The following SAP130 variants were observed in gnomAD, a reference collection of about 807,000 sequenced individuals.
SAP130 encodes Sin3A associated protein 130.
A neutral mutation model predicts 103.2 loss-of-function variants in SAP130; 16 were observed. That is an observed-to-expected ratio of 0.16 (90% confidence interval 0.10 to 0.24). The LOEUF (loss-of-function observed/expected upper bound fraction) is 0.24, where lower values mean the gene tolerates loss of function less well. Among genes scored for constraint, SAP130 ranks in the 10% least tolerant of loss-of-function variants. The probability of loss-of-function intolerance (pLI) is 1.00; values close to 1 mark genes in which losing one functional copy is unlikely to be tolerated. For missense variants in SAP130, 990 were observed against 1,359.7 expected (o/e 0.73, Z 4.28); for synonymous variants, 477 against 497.0 (o/e 0.96, Z 0.53).
intron 16 of SAP130, among the ~76,000 whole-genome samples, chr2:127,954,444 TA>T (rs534742336): frequency 7.3e-4 from 105 of 142,896 alleles, no homozygotes; most frequent in Admixed American, 7.0e-4. Context: ...CATAAATTAT[TA>T]AAAAAAAAAA....
chr2:127,979,451 G>T (rs930383638), intron 14 of SAP130, among the ~76,000 whole-genome samples: 2 of 152,050 alleles, frequency 1.3e-5, no homozygotes, highest in Non-Finnish European at 2.9e-5. Context: ...GAGGGGGTAT[G>T]GCCCAGAAGA....
rs749411978 is a variant in SAP130, at chr2:127,955,002, G to A, written c.2406C>T (p.Ile802=). Residue 802 remains isoleucine, a synonymous_variant, in exon 16 of 21, where the codon ATC becomes ATT. Transcript: ENST00000643581. The surrounding 1 kb of genome is among the most constrained non-coding windows in gnomAD (Gnocchi z 4.9). ...CGGACTTACCAGAAACTGGCCTCATGATATCCATTGGTTCTACTTCTTCTT... is the reference window on the plus strand; with the variant it reads ...CGGACTTACCAGAAACTGGCCTCATAATATCCATTGGTTCTACTTCTTCTT... ...KVKEEVEPMD[I]MRPVSAVPPL... 2.5e-6 allele frequency: 4 copies of A among 1,609,958 alleles called. No individual in the cohort carries two copies. The Admixed American group carries it at 6.7e-5, about 27-fold the overall frequency.
At chr2:128,026,397 G>A (rs1685498965) in intron 1 of SAP130, 99 bp from the exon 2 acceptor site, 2 of 771,078 alleles carry the variant, frequency 2.6e-6, no homozygotes, top group South Asian at 1.8e-5. Context: ...TAGTCCCTTG[G>A]AAAAGCAAAT....
At chr2:128,026,058 T>G (rs961507404) in intron 2 of SAP130, 123 bp downstream of exon 2, 1 of 708,466 alleles carries the variant, frequency 1.4e-6, no homozygotes, top group African/African-American at 1.8e-5. Flanking sequence ...TAATATACCC[T>G]TTCTTCAAAT....
At chr2:128,010,437 T>C (rs755807430) in intron 6 of SAP130, 44 bp from the exon 7 acceptor site, 7 of 1,576,670 alleles carry the variant, frequency 4.4e-6, no homozygotes, top group East Asian at 2.3e-5. Context: ...AAAAATAAAA[T>C]AGAGGAAGTC....
intron 7 of SAP130, among the ~76,000 whole-genome samples, chr2:128,009,645 G>A (rs866224943): frequency 2.6e-5 from 4 of 152,006 alleles, no homozygotes; most frequent in Non-Finnish European, 4.4e-5. Context: ...TCATTGCATC[G>A]GTCTGCTAAA....
intron 15 of SAP130, among the ~76,000 whole-genome samples, chr2:127,974,964 A>G (rs1559058020): frequency 6.6e-6 from 1 of 152,234 alleles, no homozygotes; most frequent in African/African-American, 2.4e-5. Flanking sequence ...GGTATGCAGT[A>G]GGCCATCCCA....
At chr2:127,944,341 T>C (rs1559024646) in intron 19 of SAP130, among the ~76,000 whole-genome samples, 1 of 152,044 alleles carries the variant, frequency 6.6e-6, no homozygotes, top group Non-Finnish European at 1.5e-5. Context: ...TGGCCCCTTA[T>C]GTTCTATTAA....
chr2:127,942,373 G>T lies in SAP130; in HGVS notation c.3015+51C>A. The T allele has an allele frequency of 7.3e-7, 1 of 1,363,424 alleles. No homozygotes were observed. The highest frequency in any genetic ancestry group is 1.0e-6 in the Non-Finnish European group (1 of 952,862). The allele number at this position is 1,363,424 out of a possible 1,614,324, so 84.5% of individuals were successfully genotyped here. On this transcript the variant is annotated intron_variant, in intron 20 of 20. Transcript: ENST00000643581. This position sits in a 1 kb window ranked among gnomAD's most constrained non-coding sequence, Gnocchi z 4.8. ...GAAACGGGAGAAGTAGGGCTTTACA[G>T]AAAGCAACTTCATAAAGTAGATGAT...
intron 7 of SAP130, 44 bp downstream of exon 7, chr2:128,010,225 G>C (rs1684287468): frequency 6.4e-7 from 1 of 1,574,642 alleles, no homozygotes; most frequent in Non-Finnish European, 8.6e-7. Flanking sequence ...GAGTGAAGGA[G>C]GAGGATGGCA....
chr2:127,947,767 T>TGTGTGA (rs1679201768), intron 18 of SAP130, among the ~76,000 whole-genome samples: 1 of 147,142 alleles, frequency 6.8e-6, no homozygotes, highest in African/African-American at 2.7e-5. Context: ...TGTGTGTCTG[T>TGTGTGA]GTGTGTGTGT....
chr2:128,017,457 A>G (rs1337089731), intron 3 of SAP130, among the ~76,000 whole-genome samples: 1 of 152,228 alleles, frequency 6.6e-6, no homozygotes, highest in East Asian at 1.9e-4. Flanking sequence ...TCAGTATCAA[A>G]ATGGATAACA....
chr2:127,954,220 TA>T (rs777806434), intron 16 of SAP130, among the ~76,000 whole-genome samples: 28 of 152,096 alleles, frequency 1.8e-4, no homozygotes, highest in Non-Finnish European at 3.1e-4. Flanking sequence ...AACAGATGAA[TA>T]AATAAACAGT....
rs1682453352 is a variant in SAP130 at position 127,987,030 on chromosome 2, TAA to T, written c.1781-70_1781-69del. 7 of 1,402,394 alleles carry T rather than the reference TAA, an allele frequency of 5.0e-6. 1 individual carries two copies. In the South Asian group the frequency reaches 8.8e-5, roughly 18 times the overall value. The allele number at this position is 1,402,394 out of a possible 1,614,324, so 86.9% of individuals were successfully genotyped here. ...AACAAAATGCCATAGAAGACATAAA[TAA>T]AAATGATGAGACCACTAGAATTAGG... On this transcript the variant is annotated intron_variant, in intron 13 of 20. Transcript: ENST00000643581.
In SAP130 at chr2:127,950,369, A is replaced by G; in HGVS notation, c.2462T>C (p.Leu821Pro). 6.2e-7 allele frequency: 1 copy of G among 1,614,218 alleles called. No individual in the cohort carries two copies. The highest frequency in any genetic ancestry group is 1.1e-5 in the South Asian group (1 of 91,088). ...PLATNTVSPSLALLANNLSMP... is the reference protein window; with the variant it reads ...PLATNTVSPSPALLANNLSMP... The stretch of plus-strand genomic sequence containing the variant: ...GGACAAGTTGTTTGCCAGCAATGCA[A>G]GAGATGGAGACACAGTGTTGGTAGC... The change falls in exon 17 of 21, where the codon CTT becomes CCT. Residue 821 changes from leucine (L) to proline (P), a missense_variant. By Grantham distance (98) the Leu-to-Pro change is moderately conservative (BLOSUM62 -3). Around this residue, in one of 6 missense-constraint regions of SAP130, gnomAD observed 349 missense variants for 384.1 expected, o/e 0.91. Transcript: ENST00000643581.
chr2:127,993,991 AT>A (rs1408068173), intron 11 of SAP130, among the ~76,000 whole-genome samples: 2 of 152,186 alleles, frequency 1.3e-5, no homozygotes, highest in African/African-American at 4.8e-5. Flanking sequence ...CAAAAGAAAG[AT>A]TATAAACAAA....
At chr2:127,981,165 T>C (rs928594672) in intron 14 of SAP130, among the ~76,000 whole-genome samples, 3 of 150,056 alleles carry the variant, frequency 2.0e-5, no homozygotes, top group Admixed American at 6.6e-5. Context: ...CACCCTTCAC[T>C]GACCCCTCCA....
intron 3 of SAP130, among the ~76,000 whole-genome samples, chr2:128,017,126 A>T (rs1248291621): frequency 6.6e-6 from 1 of 152,214 alleles, no homozygotes; most frequent in African/African-American, 2.4e-5. Flanking sequence ...GTTTGAGACC[A>T]GCCTGGCCGA....
chr2:127,999,278 G>A (rs553167403), intron 10 of SAP130, among the ~76,000 whole-genome samples: 7 of 152,168 alleles, frequency 4.6e-5, no homozygotes, highest in Non-Finnish European at 7.4e-5. Flanking sequence ...CACACTTTAC[G>A]TCCAGTCACC....
Sources: allele counts gnomAD v4.1 joint callset (sites outside exome capture counted in the v4.1 genomes callset), GRCh38; gene constraint gnomAD v4.1.1; regional missense constraint gnomAD v4.1.1; non-coding constraint Gnocchi (gnomAD v3.1); transcripts MANE v1.5; gene names NCBI Gene and HGNC (gene_info 2026-07-23, HGNC 2026-07-21).